SHOC1: variants seen among roughly 807,000 people sequenced by gnomAD.
The protein encoded by SHOC1 is shortage in chiasmata 1, also known as protein shortage in chiasmata 1 ortholog.
A neutral mutation model predicts 179.2 loss-of-function variants in SHOC1; 136 were observed. The ratio of observed to expected loss-of-function variants is 0.76; its 90% CI spans 0.66 to 0.87. The LOEUF (loss-of-function observed/expected upper bound fraction) is 0.87. Among genes scored for constraint, SHOC1 ranks in the 40% least tolerant of loss-of-function variants. SHOC1 has a pLI of 0.00. For missense variants in SHOC1, 1,538 were observed against 1,700.8 expected (o/e 0.90, Z 1.68); for synonymous variants, 489 against 586.6 (o/e 0.83, Z 2.41).
intron 24 of SHOC1, among the ~76,000 whole-genome samples, chr9:111,695,470 C>T (rs1831646732): frequency 1.3e-5 from 2 of 152,004 alleles, no homozygotes; most frequent in Non-Finnish European, 2.9e-5. Flanking sequence ...ATGACACTTT[C>T]ATTTAAATAT....
intron 8 of SHOC1, among the ~76,000 whole-genome samples, chr9:111,755,319 C>T (rs1374374653): frequency 6.6e-6 from 1 of 152,172 alleles, no homozygotes; most frequent in East Asian, 1.9e-4. Flanking sequence ...GTTGGCTTTT[C>T]ATTCCCTTGC....
chr9:111,707,791 A>C, intron 19 of SHOC1, 64 bp downstream of exon 19: 1 of 1,046,978 alleles, frequency 9.6e-7, no homozygotes, highest in Non-Finnish European at 1.4e-6. Context: ...ACTTCTAGGA[A>C]GATTTTGCTT....
chr9:111,758,874 G>A, intron 5 of SHOC1, 26 bp from the exon 6 acceptor site: 3 of 1,346,482 alleles, frequency 2.2e-6, no homozygotes, highest in Admixed American at 2.6e-5. Flanking sequence ...AAATATAAAG[G>A]AATAAGAAAA....
chr9:111,741,026 A>G (rs1321114591), intron 11 of SHOC1, among the ~76,000 whole-genome samples: 4 of 152,214 alleles, frequency 2.6e-5, no homozygotes, highest in African/African-American at 4.8e-5. Flanking sequence ...ACTAGCTGGG[A>G]CTAAAGGTGC....
At chr9:111,701,239 C>T (rs1831960171) in intron 23 of SHOC1, among the ~76,000 whole-genome samples, 1 of 152,056 alleles carries the variant, frequency 6.6e-6, no homozygotes, top group Non-Finnish European at 1.5e-5. Flanking sequence ...TTTCAGTTTT[C>T]CTAATTTGGT....
chr9:111,733,692 AC>A (rs1833691831), intron 12 of SHOC1, among the ~76,000 whole-genome samples: 1 of 152,064 alleles, frequency 6.6e-6, no homozygotes, highest in African/African-American at 2.4e-5. Context: ...ACATGGCGAA[AC>A]CCCATCTCTA....
intron 27 of SHOC1, among the ~76,000 whole-genome samples, chr9:111,688,000 T>C (rs1441519732): frequency 5.9e-5 from 9 of 152,196 alleles, no homozygotes. Flanking sequence ...AATCCTTAAG[T>C]AAACAATTAG....
intron 5 of SHOC1, among the ~76,000 whole-genome samples, chr9:111,759,799 A>G (rs543321813): frequency 6.6e-6 from 1 of 152,298 alleles, no homozygotes; most frequent in South Asian, 2.1e-4. Flanking sequence ...CCCACGGTTA[A>G]CTACATAATT....
intron 12 of SHOC1, among the ~76,000 whole-genome samples, chr9:111,737,187 G>A (rs1007164322): frequency 1.3e-5 from 2 of 152,136 alleles, no homozygotes; most frequent in Non-Finnish European, 1.5e-5. Context: ...AACTACGTTC[G>A]ACCCAGCAAT....
At chr9:111,732,696 G>T (rs1833634122) in intron 12 of SHOC1, among the ~76,000 whole-genome samples, 1 of 152,064 alleles carries the variant, frequency 6.6e-6, no homozygotes, top group Non-Finnish European at 1.5e-5. Flanking sequence ...TTCTAGGATA[G>T]GGGAAACATA....
At chr9:111,772,889 G>A (rs1350147324) in intron 5 of SHOC1, among the ~76,000 whole-genome samples, 1 of 152,142 alleles carries the variant, frequency 6.6e-6, no homozygotes, top group Non-Finnish European at 1.5e-5. Context: ...AAATAAAGAA[G>A]TCTCCTGCCA....
At chr9:111,774,698 CTATA>C (rs1183222816) in intron 5 of SHOC1, among the ~76,000 whole-genome samples, 44 of 141,066 alleles carry the variant, frequency 3.1e-4, no homozygotes, top group African/African-American at 8.3e-4. Flanking sequence ...CTCTCTCTCT[CTATA>C]TATATATCAT....
At chr9:111,716,327 A>G (rs1400996210) in intron 16 of SHOC1, among the ~76,000 whole-genome samples, 1 of 151,786 alleles carries the variant, frequency 6.6e-6, no homozygotes, top group Non-Finnish European at 1.5e-5. Context: ...ACACTACTTA[A>G]AGATAAATAT....
rs4979039 is a variant in SHOC1 at position 111,686,240 on chromosome 9, G to A, written c.*530C>T. ...AAATATCTGTTCATATATTTTGCCC[G>A]TTCTTCTATCAGGTTGTCTTCTTTC... On this transcript the variant is annotated 3_prime_UTR_variant, in exon 28 of 28. Transcript: ENST00000682961. 87,608 of 151,980 alleles carry A rather than the reference G, an allele frequency of 0.58. 26,804 individuals are homozygous for A. Among genetic ancestry groups the A allele is most frequent in the East Asian group, 0.8 (4,137 of 5,184 alleles). The allele number at this position is 151,980 out of a possible 1,614,324, so 9.4% of individuals were successfully genotyped here.
Position 111,756,381 on chromosome 9 carries a change from T to C in SHOC1, c.806A>G (p.Asn269Ser). 2 of 1,612,002 alleles carry C rather than the reference T, an allele frequency of 1.2e-6. No homozygotes were observed. Among genetic ancestry groups the C allele is most frequent in the South Asian group, 2.2e-5 (2 of 90,528 alleles). The part of the protein sequence containing the change: ...PSLSELKELL[N>S]PVPEIINYVD... ...ATAGTTTATTATTTCTGGCACTGGG[T>C]TTAATAACTCCTTCAGTTCTGAGAG... Residue 269 changes from asparagine to serine, a missense_variant, in exon 8 of 28, where the codon AAC (asparagine) becomes AGC (serine). Coordinates refer to ENST00000682961, the MANE Select transcript of SHOC1 (RefSeq NM_001378211.1).
chr9:111,739,477 TC>T lies in SHOC1; in HGVS notation c.1175-956del, dbSNP rs1833942512. Among the ~76,000 whole-genome samples, 3 of 152,114 alleles carry T rather than the reference TC, an allele frequency of 2.0e-5. No individual in the cohort carries two copies. The South Asian group carries it at 6.3e-4, about 32-fold the overall frequency. ...TATACCTCCCTTCTAATCTTCCTCA[TC>T]CCCCAACCCCTGTCCCACTGTTCTG... On this transcript the variant is annotated intron_variant, in intron 11 of 27. Transcript: ENST00000682961.
rs375746917 is a variant in SHOC1 at position 111,705,358 on chromosome 9, G to C, written c.2744C>G (p.Thr915Ser). The C allele has an allele frequency of 4.0e-6, 6 of 1,491,552 alleles. No individual in the cohort carries two copies. Among genetic ancestry groups the C allele is most frequent in the Non-Finnish European group, 4.5e-6 (5 of 1,114,856 alleles). 92.4% of individuals were successfully genotyped at this position (1,491,552 alleles called of 1,614,324 possible). A position where few individuals can be genotyped will look rare whatever the true frequency, so the allele number is the denominator to read the frequency against. The change falls in exon 21 of 28, where the codon ACC becomes AGC. Residue 915 changes from threonine (T) to serine (S), a missense_variant. Physicochemically the swap from Thr to Ser is moderately conservative, Grantham distance 58. Coordinates refer to ENST00000682961, the MANE Select transcript of SHOC1 (RefSeq NM_001378211.1). ...AAAACCTCCAAATCTATCCAGCAAGGTGCTTCCTAAATAAGAGAAAATTTA... is the reference window on the plus strand; with the variant it reads ...AAAACCTCCAAATCTATCCAGCAAGCTGCTTCCTAAATAAGAGAAAATTTA... ...ILPDTVLERS[T>S]LLDRFGGFLL...
intron 27 of SHOC1, among the ~76,000 whole-genome samples, chr9:111,688,713 AAAAT>A (rs1407280721): frequency 6.6e-6 from 1 of 152,178 alleles, no homozygotes; most frequent in Non-Finnish European, 1.5e-5. Flanking sequence ...AATTAAGAAA[AAAAT>A]AAAAATTAAA....
At chr9:111,720,938 T>C (rs1833014007) in intron 15 of SHOC1, among the ~76,000 whole-genome samples, 1 of 152,230 alleles carries the variant, frequency 6.6e-6, no homozygotes, top group Admixed American at 6.5e-5. Context: ...TGGATTGTAC[T>C]CTCCTGCCTC....
Sources: gnomAD v4.1 joint callset for allele counts (sites outside exome capture counted in the v4.1 genomes callset) on GRCh38, gnomAD v4.1.1 for gene constraint, MANE v1.5 for transcripts, NCBI Gene and HGNC (gene_info 2026-07-23, HGNC 2026-07-21) for gene names.